RFX2: variants seen among roughly 807,000 people sequenced by gnomAD.
RFX2 encodes the protein DNA-binding protein RFX2.
Under a neutral mutation model 87.8 loss-of-function variants are expected in RFX2, and 20 were observed. The observed-to-expected ratio is 0.23, with a 90% CI of 0.16 to 0.33. RFX2 has a LOEUF of 0.33. Among genes scored for constraint, RFX2 ranks in the 10% least tolerant of loss-of-function variants. The pLI is 1.00. For synonymous variants in RFX2, 397 were observed against 431.3 expected, an observed-to-expected ratio of 0.92 and a Z score of 0.98; for missense variants, 767 against 1,012.3, an observed-to-expected ratio of 0.76 and a Z score of 3.29.
chr19:6,025,613 AC>A (rs1353987767), intron 6 of RFX2, among the ~76,000 whole-genome samples: 1 of 152,140 alleles, frequency 6.6e-6, no homozygotes, highest in Non-Finnish European at 1.5e-5. Context: ...CCCTATGACA[AC>A]CCGAGGAGGT....
In RFX2 at chr19:6,016,413, C is replaced by T. The variant is rs747641889; in HGVS notation, c.598-142G>A. On this transcript the variant is annotated intron_variant, in intron 6 of 17. Transcript: ENST00000303657. The surrounding 1 kb of genome is among the most constrained non-coding windows in gnomAD (Gnocchi z 5.4). ...ATCCATCTTTTCTTTCTTTTTGAGG[C>T]GGAGTCTTGCTCTGTCACCCAGTCT... The T allele has an allele frequency of 3.3e-5, 19 of 578,856 alleles. No individual in the cohort carries two copies. The highest frequency in any genetic ancestry group is 5.7e-5 in the African/African-American group (3 of 52,658). 35.9% of individuals were successfully genotyped at this position (578,856 alleles called of 1,614,324 possible). A position where few individuals can be genotyped will look rare whatever the true frequency, so the allele number is the denominator to read the frequency against.
At chr19:6,093,811 A>G (rs1441638471) in intron 1 of RFX2, among the ~76,000 whole-genome samples, 1 of 152,170 alleles carries the variant, frequency 6.6e-6, no homozygotes, top group Admixed American at 6.5e-5. Context: ...ATGAACCTTG[A>G]GAACATCATG....
chr19:6,041,803 G>A (rs1266256484), intron 4 of RFX2, among the ~76,000 whole-genome samples: 2 of 151,854 alleles, frequency 1.3e-5, no homozygotes, highest in Admixed American at 6.6e-5. Flanking sequence ...GGGCTCATGC[G>A]ATCCTCCCAC....
At chr19:6,093,876 G>GT (rs1568194599) in intron 1 of RFX2, among the ~76,000 whole-genome samples, 1 of 152,144 alleles carries the variant, frequency 6.6e-6, no homozygotes, top group Non-Finnish European at 1.5e-5. Flanking sequence ...TTTTCATGAA[G>GT]TTTCCAGAAC....
In RFX2 at chr19:6,002,914, C is replaced by G. The variant is rs541267600; in HGVS notation, c.1501-44G>C. Reference sequence around the variant, plus strand: ...GGTGAGCAGGGGTTCGCAGGGAGAGCCTGTTCCGCTGCGCTCCTTGCAGGG... The same window carrying G: ...GGTGAGCAGGGGTTCGCAGGGAGAGGCTGTTCCGCTGCGCTCCTTGCAGGG... On this transcript the variant is annotated intron_variant, in intron 13 of 17. Transcript: ENST00000303657. This position sits in a 1 kb window ranked among gnomAD's most constrained non-coding sequence, Gnocchi z 6.7. 3.9e-5 allele frequency: 61 copies of G among 1,569,058 alleles called. No individual in the cohort carries two copies. In the East Asian group the frequency reaches 1.3e-3, roughly 33 times the overall value.
At chr19:6,079,485 T>C (rs1204735470) in intron 1 of RFX2, among the ~76,000 whole-genome samples, 3 of 152,186 alleles carry the variant, frequency 2.0e-5, no homozygotes, top group Admixed American at 6.5e-5. Flanking sequence ...GGCAGAGCTA[T>C]AGAAAGGGAC....
In RFX2 at chr19:6,024,048, G is replaced by A. The variant is rs1366449035; in HGVS notation, c.597+2115C>T. Among the ~76,000 whole-genome samples the A allele has an allele frequency of 6.6e-6, 1 of 152,162 alleles. No individual in the cohort carries two copies. Among genetic ancestry groups the A allele is most frequent in the Non-Finnish European group, 1.5e-5 (1 of 68,024 alleles). On this transcript the variant is annotated intron_variant, in intron 6 of 17. Transcript: ENST00000303657. The surrounding 1 kb of genome is among the most constrained non-coding windows in gnomAD (Gnocchi z 5.0). ...ACCCGCCTTGGTCTCCCAAACTGCT[G>A]GGATTACAGGCGTGAGCCACCGTGC...
chr19:6,014,584 C>T, intron 7 of RFX2, among the ~76,000 whole-genome samples: 1 of 152,076 alleles, frequency 6.6e-6, no homozygotes, highest in East Asian at 1.9e-4. Flanking sequence ...ACAGCCTGGG[C>T]CCTTTCTAGA....
At chr19:6,097,496 C>T (rs554299495) in intron 1 of RFX2, among the ~76,000 whole-genome samples, 7 of 152,184 alleles carry the variant, frequency 4.6e-5, no homozygotes, top group Non-Finnish European at 1.0e-4. Flanking sequence ...TCCAATTCCA[C>T]CGGGCTTTTA....
At chr19:6,081,848 G>A (rs1218819406) in intron 1 of RFX2, among the ~76,000 whole-genome samples, 2 of 152,232 alleles carry the variant, frequency 1.3e-5, no homozygotes, top group Admixed American at 1.3e-4. Flanking sequence ...AGCACTCTGG[G>A]AGGCCGAGGC....
At chr19:6,048,342 C>T (rs1355770793) in intron 1 of RFX2, among the ~76,000 whole-genome samples, 1 of 152,212 alleles carries the variant, frequency 6.6e-6, no homozygotes. Context: ...TTTTACAATT[C>T]TATATAAAAC....
Position 6,040,630 on chromosome 19 carries a change from G to A in RFX2, c.261-389C>T, listed in dbSNP as rs555529528. 2.0e-5 allele frequency among the ~76,000 whole-genome samples: 3 copies of A among 152,172 alleles called. No homozygotes were observed. The highest frequency in any genetic ancestry group is 2.1e-4 in the South Asian group (1 of 4,818). On this transcript the variant is annotated intron_variant, in intron 4 of 17. Transcript: ENST00000303657. This position sits in a 1 kb window ranked among gnomAD's most constrained non-coding sequence, Gnocchi z 6.1. ...AAGATTTAGCCAGGTGTGGTGGTGC[G>A]TGCCGGTAGTCCCAGCTACTCAGGA...
chr19:6,035,845 T>TGG (rs746972870), intron 5 of RFX2, among the ~76,000 whole-genome samples: 250 of 107,172 alleles, frequency 2.3e-3, no homozygotes, highest in African/African-American at 6.6e-3. Context: ...CAGAGCTTGG[T>TGG]GGGGGGTGTG....
intron 1 of RFX2, among the ~76,000 whole-genome samples, chr19:6,071,006 C>T (rs546379174): frequency 6.6e-5 from 10 of 152,346 alleles, no homozygotes; most frequent in African/African-American, 1.4e-4. Flanking sequence ...CGTGAGCCCC[C>T]GTGCCTGGCC....
chr19:6,108,953 G>C (rs953100056), intron 1 of RFX2, among the ~76,000 whole-genome samples: 4 of 151,936 alleles, frequency 2.6e-5, no homozygotes, highest in Non-Finnish European at 5.9e-5. Context: ...GGTGGCGAGG[G>C]AGCGCGGAGG....
chr19:5,994,167 C>G lies in RFX2; in HGVS notation c.*668G>C, dbSNP rs143403035. On this transcript the variant is annotated 3_prime_UTR_variant, in exon 18 of 18. Transcript: ENST00000303657. ...GACACAGCGATTGTCAGCTGCCCCT[C>G]AAGTCCTTTGGCATCTGGAGATGGG... 26 of 152,422 alleles carry G rather than the reference C, an allele frequency of 1.7e-4. No individual in the cohort carries two copies. The highest frequency in any genetic ancestry group is 6.3e-4 in the African/African-American group (26 of 41,594). The allele number at this position is 152,422 out of a possible 1,614,324, so 9.4% of individuals were successfully genotyped here.
At chr19:6,015,513 G>A (rs1261435263) in intron 7 of RFX2, among the ~76,000 whole-genome samples, 1 of 151,780 alleles carries the variant, frequency 6.6e-6, no homozygotes, top group Admixed American at 6.6e-5. Flanking sequence ...GTTTGACACA[G>A]GGTCTTGCTC....
rs1427402457 is a variant in RFX2, at chr19:6,022,386, C to T, written c.597+3777G>A. ...TTCTTGATTTCAAAGCAAAAAGTCA[C>T]ATAACCCAAATACGACTCTTCCACA... On this transcript the variant is annotated intron_variant, in intron 6 of 17. Coordinates refer to ENST00000303657, the MANE Select transcript of RFX2 (RefSeq NM_000635.4). The surrounding 1 kb of genome is among the most constrained non-coding windows in gnomAD (Gnocchi z 6.2). Among the ~76,000 whole-genome samples the T allele has an allele frequency of 6.6e-6, 1 of 152,242 alleles. No individual in the cohort carries two copies. The highest frequency in any genetic ancestry group is 1.5e-5 in the Non-Finnish European group (1 of 68,040).
At chr19:6,042,537 G>T (rs927585763) in intron 3 of RFX2, among the ~76,000 whole-genome samples, 1 of 152,188 alleles carries the variant, frequency 6.6e-6, no homozygotes, top group East Asian at 1.9e-4. Flanking sequence ...TTGCGACAGG[G>T]TCTCCCTCTG....
Sources: allele counts gnomAD v4.1 joint callset (sites outside exome capture counted in the v4.1 genomes callset), GRCh38; gene constraint gnomAD v4.1.1; non-coding constraint Gnocchi (gnomAD v3.1); transcripts MANE v1.5; gene names NCBI Gene and HGNC (gene_info 2026-07-23, HGNC 2026-07-21).